RAB43: variants seen among roughly 807,000 people sequenced by gnomAD.
RAB43 encodes ras-related protein Rab-43.
RAB43 carries 6 observed loss-of-function variants against 18.8 expected under a neutral mutation model. That is an observed-to-expected ratio of 0.32 (90% confidence interval 0.17 to 0.63). The LOEUF (loss-of-function observed/expected upper bound fraction) is 0.63. Ranked by LOEUF, RAB43 falls within the 30% of genes least tolerant of loss-of-function variation. The pLI, the probability that RAB43 is intolerant of heterozygous loss-of-function variation, is 0.79. For missense variants in RAB43, 195 were observed against 289.1 expected (o/e 0.67, Z 2.36); for synonymous variants, 103 against 124.1 (o/e 0.83, Z 1.13).
intron 2 of RAB43, among the ~76,000 whole-genome samples, chr3:129,093,132 A>C (rs1933795246): frequency 6.6e-6 from 1 of 151,654 alleles, no homozygotes; most frequent in African/African-American, 2.4e-5. Flanking sequence ...CTGGGATTAC[A>C]GGTGTGTGCC....
At chr3:129,109,817 A>T (rs1189961371) in intron 1 of RAB43, among the ~76,000 whole-genome samples, 3 of 151,890 alleles carry the variant, frequency 2.0e-5, no homozygotes, top group Non-Finnish European at 4.4e-5. Context: ...TGTAAAAAAA[A>T]TTTTGGAATG....
At chr3:129,117,136 C>T (rs149828145) in intron 1 of RAB43, among the ~76,000 whole-genome samples, 288 of 152,284 alleles carry the variant, frequency 1.9e-3, no homozygotes, top group African/African-American at 6.6e-3. Flanking sequence ...GGAAGGGAGA[C>T]TTTTCACTAT....
intron 1 of RAB43, among the ~76,000 whole-genome samples, chr3:129,106,878 G>A (rs1934818608): frequency 6.6e-6 from 1 of 152,172 alleles, no homozygotes; most frequent in South Asian, 2.1e-4. Context: ...GATGCAGAGT[G>A]AAGAAAAATC....
At chr3:129,100,364 C>T (rs548760216) in intron 1 of RAB43, among the ~76,000 whole-genome samples, 1 of 152,284 alleles carries the variant, frequency 6.6e-6, no homozygotes, top group African/African-American at 2.4e-5. Context: ...AGCTGCCCTG[C>T]AAGAAATGCC....
chr3:129,111,742 CA>C (rs1180253353), intron 1 of RAB43, among the ~76,000 whole-genome samples: 1 of 152,046 alleles, frequency 6.6e-6, no homozygotes, highest in Non-Finnish European at 1.5e-5. Flanking sequence ...GATTTTTCTA[CA>C]TATTTCATAG....
In RAB43 at chr3:129,095,503, C is replaced by A. The variant is rs768415182; in HGVS notation, c.205-334G>T. ...CTGCGAAAACAGAACCACCAGTGCT[C>A]AAGCGGCCGGCGGCTGGAAAGCTGG... On this transcript the variant is annotated intron_variant, in intron 1 of 2. Coordinates refer to ENST00000315150, the MANE Select transcript of RAB43 (RefSeq NM_198490.3). This position sits in a 1 kb window ranked among gnomAD's most constrained non-coding sequence, Gnocchi z 4.2. 3.9e-5 allele frequency among the ~76,000 whole-genome samples: 6 copies of A among 152,212 alleles called. No homozygotes were observed. Among genetic ancestry groups the A allele is most frequent in the Non-Finnish European group, 8.8e-5 (6 of 68,036 alleles).
intron 2 of RAB43, among the ~76,000 whole-genome samples, chr3:129,092,197 A>G (rs1933713500): frequency 6.6e-6 from 1 of 152,224 alleles, no homozygotes; most frequent in Admixed American, 6.5e-5. Context: ...ACACATATGA[A>G]TTTTATGGGC....
chr3:129,115,842 A>G (rs1935489542), intron 1 of RAB43, among the ~76,000 whole-genome samples: 1 of 152,174 alleles, frequency 6.6e-6, no homozygotes, highest in African/African-American at 2.4e-5. Flanking sequence ...TAAAAATATT[A>G]AATGGTAGAT....
intron 1 of RAB43, among the ~76,000 whole-genome samples, chr3:129,106,993 G>T (rs1934826262): frequency 6.6e-6 from 1 of 152,212 alleles, no homozygotes; most frequent in Non-Finnish European, 1.5e-5. Flanking sequence ...AGGAAGCACA[G>T]TAACCCACGA....
intron 1 of RAB43, among the ~76,000 whole-genome samples, chr3:129,111,620 A>G (rs1935179247): frequency 6.6e-6 from 1 of 152,002 alleles, no homozygotes; most frequent in African/African-American, 2.4e-5. Flanking sequence ...TGCAGCCAAC[A>G]CATGTTGAGG....
At chr3:129,122,130 C>A, upstream of RAB43, 1 of 165,264 alleles carries the variant, frequency 6.1e-6, no homozygotes, top group Non-Finnish European at 1.3e-5. Flanking sequence ...AGGCCCACCT[C>A]AGCCCTCCCC....
chr3:129,091,896 T>C (rs973299062), intron 2 of RAB43, among the ~76,000 whole-genome samples: 3 of 151,352 alleles, frequency 2.0e-5, no homozygotes, highest in Admixed American at 1.3e-4. Context: ...TGAAACCCCG[T>C]CTCTACTTAA....
intron 1 of RAB43, among the ~76,000 whole-genome samples, chr3:129,105,310 G>A (rs1934699285): frequency 6.6e-6 from 1 of 152,022 alleles, no homozygotes; most frequent in Non-Finnish European, 1.5e-5. Flanking sequence ...AAAATTAGCT[G>A]GGCATGGTGG....
chr3:129,104,075 T>C (rs1934601273), intron 1 of RAB43, among the ~76,000 whole-genome samples: 2 of 152,242 alleles, frequency 1.3e-5, no homozygotes, highest in East Asian at 3.8e-4. Flanking sequence ...GTGCCTGGCA[T>C]GTAGAAGGTG....
chr3:129,102,727 A>G (rs1934507513), intron 1 of RAB43, among the ~76,000 whole-genome samples: 1 of 151,806 alleles, frequency 6.6e-6, no homozygotes, highest in African/African-American at 2.4e-5. Context: ...CACTTCACCC[A>G]TGCCTACTAT....
chr3:129,116,755 A>G (rs929448235), intron 1 of RAB43, among the ~76,000 whole-genome samples: 15 of 152,184 alleles, frequency 9.9e-5, no homozygotes, highest in Non-Finnish European at 2.1e-4. Context: ...AGCCTGAGAG[A>G]GAGCTGAATA....
rs1021123 is a variant in RAB43, at chr3:129,118,310, T to C, written c.204+2976A>G. ...TGTTTGGAGGTTATTCTGGTTGTAATGGGAAGTGGCTACAGAAATAAAGTA... is the reference window on the plus strand; with the variant it reads ...TGTTTGGAGGTTATTCTGGTTGTAACGGGAAGTGGCTACAGAAATAAAGTA... On this transcript the variant is annotated intron_variant, in intron 1 of 2. Coordinates refer to ENST00000315150, the MANE Select transcript of RAB43 (RefSeq NM_198490.3). Among the ~76,000 whole-genome samples, 863 of 152,330 alleles carry C rather than the reference T, an allele frequency of 5.7e-3. 3 individuals are homozygous for C. Among genetic ancestry groups the C allele is most frequent in the African/African-American group, 0.015 (614 of 41,566 alleles).
Position 129,110,803 on chromosome 3 carries a change from TAAAAAACAAAAAAC to T in RAB43, c.204+10469_204+10482del, listed in dbSNP as rs368791337. Among the ~76,000 whole-genome samples, 14 of 151,088 alleles carry T rather than the reference TAAAAAACAAAAAAC, an allele frequency of 9.3e-5. No homozygotes were observed. In the South Asian group the frequency reaches 1.3e-3, roughly 14 times the overall value. On this transcript the variant is annotated intron_variant, in intron 1 of 2. Coordinates refer to ENST00000315150, the MANE Select transcript of RAB43 (RefSeq NM_198490.3). ...TGACTGCACAACTCTTTGAGTATAT[TAAAAAACAAAAAAC>T]AAAAAACAAAAAAAACACTGAATCA...
At chr3:129,091,379 T>TG in intron 2 of RAB43, 33 bp from the exon 3 acceptor site, 1 of 1,591,440 alleles carries the variant, frequency 6.3e-7, no homozygotes. Context: ...CATGAGGCCA[T>TG]GGGGGCTGGG....
Sources: allele counts gnomAD v4.1 joint callset (sites outside exome capture counted in the v4.1 genomes callset), GRCh38; gene constraint gnomAD v4.1.1; non-coding constraint Gnocchi (gnomAD v3.1); transcripts MANE v1.5; gene names NCBI Gene and HGNC (gene_info 2026-07-23, HGNC 2026-07-21).